SH3BGRL2: variants seen among roughly 807,000 people sequenced by gnomAD.
SH3BGRL2 encodes SH3 domain binding glutamate rich protein like 2.
A neutral mutation model predicts 14.8 loss-of-function variants in SH3BGRL2; 21 were observed. The observed-to-expected ratio is 1.42, with a 90% CI of 1.01 to 2.05. SH3BGRL2 has a LOEUF of 2.05. SH3BGRL2 is among the 30% of genes most tolerant of loss of function. SH3BGRL2 has a pLI of 0.00. For synonymous variants in SH3BGRL2, 50 were observed against 47.8 expected (o/e 1.05, Z -0.19); for missense variants, 147 against 130.8 (o/e 1.12, Z -0.61).
At chr6:79,685,697 T>TG (rs1242993460) in intron 2 of SH3BGRL2, among the ~76,000 whole-genome samples, 1 of 151,952 alleles carries the variant, frequency 6.6e-6, no homozygotes, top group African/African-American at 2.4e-5. Context: ...ATTGTTATAA[T>TG]TATATGAATA....
upstream of SH3BGRL2, among the ~76,000 whole-genome samples, chr6:79,627,752 C>T (rs1389130651): frequency 6.6e-6 from 1 of 152,138 alleles, no homozygotes; most frequent in Non-Finnish European, 1.5e-5. Flanking sequence ...CCAAGGGACT[C>T]TTCATGGCTC....
rs939650852 is a variant in SH3BGRL2, at chr6:79,702,691, G to A, written c.*3182G>A. 17 of 152,210 alleles carry A rather than the reference G, an allele frequency of 1.1e-4. No individual in the cohort carries two copies. The highest frequency in any genetic ancestry group is 4.1e-4 in the African/African-American group (17 of 41,458). The allele number at this position is 152,210 out of a possible 1,614,324, so 9.4% of individuals were successfully genotyped here. On this transcript the variant is annotated 3_prime_UTR_variant, in exon 4 of 4. Transcript: ENST00000369838. Reference sequence around the variant, plus strand: ...TTCAAGGAGCCAGACATGAGGTCCTGCACGAGGGTGTTGGGAGGACACCAC... The same window carrying A: ...TTCAAGGAGCCAGACATGAGGTCCTACACGAGGGTGTTGGGAGGACACCAC...
chr6:79,552,086 C>G, the SH3BGRL2 span, among the ~76,000 whole-genome samples: 3 of 151,946 alleles, frequency 2.0e-5, no homozygotes, highest in Non-Finnish European at 2.9e-5. Flanking sequence ...TGATACTCTG[C>G]CTCAAAAAAA....
the SH3BGRL2 span, among the ~76,000 whole-genome samples, chr6:79,540,578 A>G: frequency 2.2e-4 from 34 of 152,172 alleles, 1 homozygote; most frequent in African/African-American, 7.7e-4. Context: ...GTAGCCTTTG[A>G]TTATTGCTCT....
At chr6:79,556,349 A>G in the SH3BGRL2 span, among the ~76,000 whole-genome samples, 2 of 152,178 alleles carry the variant, frequency 1.3e-5, no homozygotes, top group Admixed American at 1.3e-4. Flanking sequence ...TCTCCACTAA[A>G]CACATTAACA....
chr6:79,645,384 T>C (rs551906352), intron 1 of SH3BGRL2, among the ~76,000 whole-genome samples: 39 of 152,220 alleles, frequency 2.6e-4, no homozygotes, highest in Non-Finnish European at 5.1e-4. Flanking sequence ...CCCATTCTTC[T>C]TAAGACATCT....
At chr6:79,634,243 A>G (rs1285903830) in intron 1 of SH3BGRL2, among the ~76,000 whole-genome samples, 2 of 152,320 alleles carry the variant, frequency 1.3e-5, no homozygotes, top group East Asian at 1.9e-4. Flanking sequence ...AACTAACACC[A>G]AGGAATGATT....
chr6:79,673,871 G>T, intron 2 of SH3BGRL2, 72 bp downstream of exon 2: 1 of 1,487,666 alleles, frequency 6.7e-7, no homozygotes, highest in Non-Finnish European at 9.1e-7. Context: ...AGTGCAGGTG[G>T]GTTTTTCCAG....
chr6:79,634,321 A>T (rs1476584108), intron 1 of SH3BGRL2, among the ~76,000 whole-genome samples: 4 of 152,222 alleles, frequency 2.6e-5, no homozygotes, highest in Non-Finnish European at 4.4e-5. Context: ...ATGCCACATT[A>T]TTATGCTACA....
At chr6:79,557,180 C>T in the SH3BGRL2 span, among the ~76,000 whole-genome samples, 1 of 151,600 alleles carries the variant, frequency 6.6e-6, no homozygotes, top group African/African-American at 2.4e-5. Context: ...ATATAGATTT[C>T]AACAAATTGA....
intron 2 of SH3BGRL2, 98 bp downstream of exon 2, chr6:79,673,897 C>A: frequency 7.9e-7 from 1 of 1,261,138 alleles, no homozygotes; most frequent in Non-Finnish European, 1.1e-6. Flanking sequence ...ACTGTGACTT[C>A]TTCACCCAAT....
At chr6:79,629,445 C>A (rs573841939), upstream of SH3BGRL2, among the ~76,000 whole-genome samples, 1 of 146,328 alleles carries the variant, frequency 6.8e-6, no homozygotes, top group African/African-American at 2.4e-5. Flanking sequence ...CTTGGGGGAC[C>A]CTTACAACCT....
the SH3BGRL2 span, among the ~76,000 whole-genome samples, chr6:79,614,942 G>T: frequency 1.3e-5 from 2 of 152,242 alleles, no homozygotes; most frequent in East Asian, 3.9e-4. Flanking sequence ...TGTGGAATTG[G>T]CCCAAGGCGA....
the SH3BGRL2 span, among the ~76,000 whole-genome samples, chr6:79,551,393 A>G: frequency 1.1e-3 from 175 of 152,340 alleles, no homozygotes; most frequent in African/African-American, 3.9e-3. Context: ...CACTTCTTAA[A>G]GTGAGGTCCA....
At chr6:79,618,734 C>T in the SH3BGRL2 span, among the ~76,000 whole-genome samples, 1,680 of 151,762 alleles carry the variant, frequency 0.011, 16 homozygotes, top group Middle Eastern at 0.027. Context: ...GCCTGACCAA[C>T]ATGGAGAAAC....
At chr6:79,649,783 C>A (rs1054450284) in intron 1 of SH3BGRL2, among the ~76,000 whole-genome samples, 8 of 152,124 alleles carry the variant, frequency 5.3e-5, no homozygotes, top group African/African-American at 1.9e-4. Context: ...TACTTGTAAG[C>A]AAGCTCTGTT....
the SH3BGRL2 span, among the ~76,000 whole-genome samples, chr6:79,588,252 C>T: frequency 2.1e-5 from 3 of 145,684 alleles, no homozygotes; most frequent in Admixed American, 7.0e-5. Context: ...GATTGTGCCA[C>T]TGCACTCCAG....
chr6:79,673,943 G>C (rs1769829990), intron 2 of SH3BGRL2, 144 bp downstream of exon 2: 2 of 835,082 alleles, frequency 2.4e-6, no homozygotes. Flanking sequence ...AGAGGGTGAA[G>C]TTGAGAAGGG....
At chr6:79,631,609 G>A in intron 1 of SH3BGRL2, 103 bp downstream of exon 1, 1 of 819,264 alleles carries the variant, frequency 1.2e-6, no homozygotes, top group Non-Finnish European at 1.6e-6. Context: ...CAGCCGGTCC[G>A]CCCGCGGGAG....
Sources: allele counts gnomAD v4.1 joint callset (sites outside exome capture counted in the v4.1 genomes callset), GRCh38; gene constraint gnomAD v4.1.1; transcripts MANE v1.5; gene names NCBI Gene and HGNC (gene_info 2026-07-23, HGNC 2026-07-21).